VWDE: variants seen among roughly 807,000 people sequenced by gnomAD.
VWDE encodes von Willebrand factor D and EGF domain-containing protein.
In VWDE, 207 loss-of-function variants were observed where a neutral mutation model predicts 178.4. The ratio of observed to expected loss-of-function variants is 1.16; its 90% CI spans 1.04 to 1.30. VWDE has a LOEUF of 1.30. Ranked by LOEUF, VWDE falls within the 50% of genes most tolerant of loss-of-function variation. VWDE has a pLI of 0.00. For missense variants in VWDE, 2,287 were observed against 1,901.3 expected, an observed-to-expected ratio of 1.20 and a Z score of -3.77; for synonymous variants, 738 against 651.4, an observed-to-expected ratio of 1.13 and a Z score of -2.02.
chr7:12,376,990 T>C lies in VWDE; in HGVS notation c.1024+786A>G, dbSNP rs1310122996. Among the ~76,000 whole-genome samples the C allele has an allele frequency of 2.6e-5, 4 of 152,134 alleles. No homozygotes were observed. In the East Asian group the frequency reaches 7.7e-4, roughly 29 times the overall value. The stretch of plus-strand genomic sequence containing the variant: ...GTCTATAGATACCTTGTGTTTGGTA[T>C]ATTTACTAAAGACAATGTAATGTTC... On this transcript the variant is annotated intron_variant, in intron 7 of 28. Coordinates refer to ENST00000275358, the MANE Select transcript of VWDE (RefSeq NM_001135924.3).
At chr7:12,357,777 T>C (rs1583299480) in intron 16 of VWDE, among the ~76,000 whole-genome samples, 1 of 152,068 alleles carries the variant, frequency 6.6e-6, no homozygotes, top group Non-Finnish European at 1.5e-5. Flanking sequence ...AATATATAAA[T>C]ACCCATGCAC....
At chr7:12,397,163 T>C (rs2128563980) in intron 1 of VWDE, among the ~76,000 whole-genome samples, 1 of 152,212 alleles carries the variant, frequency 6.6e-6, no homozygotes, top group Admixed American at 6.5e-5. Flanking sequence ...TTACCCAACT[T>C]CATACTATAT....
chr7:12,341,915 T>A, intron 23 of VWDE, 144 bp downstream of exon 23: 1 of 572,124 alleles, frequency 1.7e-6, no homozygotes. Flanking sequence ...GAAAGAGTTT[T>A]AAAAATCTGT....
chr7:12,372,832 T>C (rs1286798567), intron 10 of VWDE, 145 bp downstream of exon 10: 1 of 757,828 alleles, frequency 1.3e-6, no homozygotes. Context: ...GAGAAAAATG[T>C]ATTCCCTCTA....
chr7:12,380,416 T>A, intron 5 of VWDE, 70 bp downstream of exon 5: 1 of 1,504,300 alleles, frequency 6.6e-7, no homozygotes, highest in Non-Finnish European at 8.9e-7. Flanking sequence ...TTTTTGGATA[T>A]GATGTTTAAA....
intron 18 of VWDE, among the ~76,000 whole-genome samples, chr7:12,352,890 T>G (rs1782022572): frequency 6.6e-6 from 1 of 152,362 alleles, no homozygotes; most frequent in African/African-American, 2.4e-5. Flanking sequence ...CAATTTTTTT[T>G]GTCCATTTTC....
chr7:12,399,372 G>A (rs193188521), intron 1 of VWDE, among the ~76,000 whole-genome samples: 155 of 152,216 alleles, frequency 1.0e-3, no homozygotes, highest in African/African-American at 3.6e-3. Context: ...AATCCGTGAG[G>A]AAGATAAAGC....
In VWDE at chr7:12,357,385, A is replaced by C. The variant is rs1321535770; in HGVS notation, c.3405T>G (p.Pro1135=). Reference sequence around the variant, plus strand: ...CTGCAGAGGAAACACTTGCCCCTTCAGGACCAGAGTCCAACGTAAAATGGA... The same window carrying C: ...CTGCAGAGGAAACACTTGCCCCTTCCGGACCAGAGTCCAACGTAAAATGGA... ...SDIHFTLDSG[P]EGASVSSAGL... The change falls in exon 17 of 29, where the codon CCT becomes CCG. Residue 1135 remains proline, a synonymous_variant. Coordinates refer to ENST00000275358, the MANE Select transcript of VWDE (RefSeq NM_001135924.3). 1 of 1,551,986 alleles carries C rather than the reference A, an allele frequency of 6.4e-7. No individual in the cohort carries two copies. Among genetic ancestry groups the C allele is most frequent in the East Asian group, 2.4e-5 (1 of 40,922 alleles).
chr7:12,334,624 T>G (rs1583266555), intron 27 of VWDE, among the ~76,000 whole-genome samples: 1 of 152,168 alleles, frequency 6.6e-6, no homozygotes, highest in Non-Finnish European at 1.5e-5. Context: ...ATCATTATAT[T>G]AAGACAATTT....
At chr7:12,384,364 G>A (rs1392943879) in intron 3 of VWDE, among the ~76,000 whole-genome samples, 1 of 152,098 alleles carries the variant, frequency 6.6e-6, no homozygotes, top group Non-Finnish European at 1.5e-5. Flanking sequence ...GGGTGAACAG[G>A]CAGAGCATAG....
At chr7:12,358,790 T>C (rs1411288781) in intron 16 of VWDE, among the ~76,000 whole-genome samples, 2 of 152,166 alleles carry the variant, frequency 1.3e-5, no homozygotes, top group African/African-American at 4.8e-5. Context: ...AATTCAGAAG[T>C]TGTATTGTAT....
chr7:12,356,163 G>A lies in VWDE; in HGVS notation c.3693C>T (p.Ser1231=), dbSNP rs947664341. The A allele has an allele frequency of 1.3e-6, 2 of 1,551,290 alleles. No homozygotes were observed. Among genetic ancestry groups the A allele is most frequent in the African/African-American group, 2.7e-5 (2 of 72,916 alleles). ...GCQSNPCGLG[S]YISGFHSYSC... ...AATAACTGTGAAAACCACTAATATAGCTGCCAAGACCACAAGGGTTGGATT... is the reference window on the plus strand; with the variant it reads ...AATAACTGTGAAAACCACTAATATAACTGCCAAGACCACAAGGGTTGGATT... The change falls in exon 18 of 29, where the codon AGC becomes AGT. Residue 1231 remains serine, a synonymous_variant. Transcript: ENST00000275358.
Position 12,369,883 on chromosome 7 carries a change from G to A in VWDE, c.2423C>T (p.Thr808Ile). ...PSGLTEYSTLTLCQETLANSS... is the reference protein window; with the variant it reads ...PSGLTEYSTLILCQETLANSS... ...GTTGGCTAGAGTCTCCTGACAGAGG[G>A]TCAAGGTGCTATACTCGGTGAGGCC... Residue 808 changes from threonine (T) to isoleucine (I), a missense_variant, in exon 12 of 29, where the codon ACC becomes ATC. Thr to Ile is a moderately conservative substitution (Grantham distance 89). Coordinates refer to ENST00000275358, the MANE Select transcript of VWDE (RefSeq NM_001135924.3). The A allele has an allele frequency of 6.4e-7, 1 of 1,551,476 alleles. No individual in the cohort carries two copies. Among genetic ancestry groups the A allele is most frequent in the Non-Finnish European group, 8.7e-7 (1 of 1,146,876 alleles).
chr7:12,357,638 C>A, intron 16 of VWDE, 123 bp from the exon 17 acceptor site: 2 of 1,129,758 alleles, frequency 1.8e-6, no homozygotes, highest in Non-Finnish European at 1.2e-6. Context: ...GGTCTATTAG[C>A]TGCTTTCATT....
intron 12 of VWDE, among the ~76,000 whole-genome samples, chr7:12,368,423 G>A (rs1173118268): frequency 6.6e-6 from 1 of 152,040 alleles, no homozygotes; most frequent in Non-Finnish European, 1.5e-5. Flanking sequence ...AGTAAAGAAA[G>A]TAAGTCATAA....
At chr7:12,363,697 CA>C (rs77574190) in intron 13 of VWDE, among the ~76,000 whole-genome samples, 17,261 of 151,892 alleles carry the variant, frequency 0.11, 1,285 homozygotes, top group East Asian at 0.3. Flanking sequence ...TGATGGAAAG[CA>C]GATGACAGGG....
At chr7:12,397,403 A>T (rs848002) in intron 1 of VWDE, among the ~76,000 whole-genome samples, 13,613 of 152,216 alleles carry the variant, frequency 0.089, 675 homozygotes, top group African/African-American at 0.13. Context: ...ACTTTTCACC[A>T]TATGCAAAAA....
intron 18 of VWDE, chr7:12,354,192 T>C: frequency 3.8e-6 from 1 of 265,860 alleles, no homozygotes; most frequent in Non-Finnish European, 7.4e-6. Flanking sequence ...TCAGAAAACA[T>C]GTCTTATATA....
intron 8 of VWDE, 73 bp downstream of exon 8, chr7:12,374,937 A>G (rs1250397204): frequency 5.0e-6 from 7 of 1,413,882 alleles, no homozygotes; most frequent in Non-Finnish European, 6.7e-6. Flanking sequence ...TAAAAAGTTT[A>G]TAAGACATAA....
Sources: allele counts gnomAD v4.1 joint callset (sites outside exome capture counted in the v4.1 genomes callset), GRCh38; gene constraint gnomAD v4.1.1; transcripts MANE v1.5; gene names NCBI Gene and HGNC (gene_info 2026-07-23, HGNC 2026-07-21).